CFAP52: variants seen among roughly 807,000 people sequenced by gnomAD.
CFAP52 encodes the protein cilia and flagella associated protein 52, also known as cilia- and flagella-associated protein 52.
A neutral mutation model predicts 70.5 loss-of-function variants in CFAP52; 57 were observed. The ratio of observed to expected loss-of-function variants is 0.81; its 90% CI spans 0.65 to 1.01. CFAP52 has a LOEUF of 1.01. CFAP52 is among the 50% of genes least tolerant of loss of function. The pLI, the probability that CFAP52 is intolerant of heterozygous loss-of-function variation, is 0.00. For synonymous variants in CFAP52, 267 were observed against 292.5 expected (o/e 0.91, Z 0.89); for missense variants, 785 against 788.5 (o/e 1.00, Z 0.05).
At chr17:9,591,376 C>T (rs1479044750) in intron 3 of CFAP52, among the ~76,000 whole-genome samples, 2 of 152,012 alleles carry the variant, frequency 1.3e-5, no homozygotes, top group Non-Finnish European at 2.9e-5. Context: ...ATTTATGAAA[C>T]TTTTTCCATT....
At chr17:9,584,047 CAT>C (rs148229360) in intron 1 of CFAP52, 3,709 of 270,126 alleles carry the variant, frequency 0.014, 154 homozygotes, top group African/African-American at 0.081. Context: ...TTTTGTGAAA[CAT>C]GTGCAGTCTC....
intron 10 of CFAP52, among the ~76,000 whole-genome samples, chr17:9,633,601 G>A (rs115493968): frequency 0.016 from 2,471 of 152,174 alleles, 68 homozygotes; most frequent in African/African-American, 0.056. Flanking sequence ...GAATTCATGC[G>A]GGTGTTTTGC....
At chr17:9,594,146 C>A (rs772854469) in intron 3 of CFAP52, 47 bp from the exon 4 acceptor site, 13 of 1,526,162 alleles carry the variant, frequency 8.5e-6, no homozygotes, top group Non-Finnish European at 1.1e-5. Flanking sequence ...TTTTAAAAGC[C>A]TGTTTTCTCT....
rs142250700 is a variant in CFAP52 at position 9,643,060 on chromosome 17, T to C, written c.1725T>C (p.Asn575=). 3 of 1,610,016 alleles carry C rather than the reference T, an allele frequency of 1.9e-6. No homozygotes were observed. Among genetic ancestry groups the C allele is most frequent in the Non-Finnish European group, 2.5e-6 (3 of 1,178,432 alleles). ...NDHLVKVWDY[N]EGEVTHVGVG... Reference sequence around the variant, plus strand: ...ATCTGGTCAAAGTTTGGGATTATAATGAGGGTGAAGTGACTCACGTTGGGG... The same window carrying C: ...ATCTGGTCAAAGTTTGGGATTATAACGAGGGTGAAGTGACTCACGTTGGGG... The change falls in exon 14 of 14, where the codon AAT becomes AAC. Residue 575 remains asparagine (N), a synonymous_variant. Transcript: ENST00000352665.
At chr17:9,603,411 G>A (rs997869129) in intron 6 of CFAP52, among the ~76,000 whole-genome samples, 1 of 151,978 alleles carries the variant, frequency 6.6e-6, no homozygotes, top group Non-Finnish European at 1.5e-5. Flanking sequence ...GGGTTTCACC[G>A]TGTTAGCCAG....
At chr17:9,607,241 G>A (rs1909525564) in intron 6 of CFAP52, among the ~76,000 whole-genome samples, 1 of 152,182 alleles carries the variant, frequency 6.6e-6, no homozygotes, top group South Asian at 2.1e-4. Context: ...AGCTACTCTG[G>A]TGGGTGAGTC....
At position 9,600,047 on chromosome 17, in the gene CFAP52, T is replaced by C; in HGVS notation, c.637-20T>C. On this transcript the variant is annotated intron_variant, in intron 5 of 13. Transcript: ENST00000352665. ...TGAGCCACCGAGGCTGGCCAAGATT[T>C]CTTTTTCTTGCTTCTTCAGGTGGAT... 1 of 1,610,142 alleles carries C rather than the reference T, an allele frequency of 6.2e-7. No homozygotes were observed. The highest frequency in any genetic ancestry group is 2.2e-5 in the East Asian group (1 of 44,730).
chr17:9,640,689 A>G (rs1290286645), intron 12 of CFAP52, among the ~76,000 whole-genome samples: 1 of 152,008 alleles, frequency 6.6e-6, no homozygotes. Context: ...GCTGGAGTGC[A>G]GTGGCATAAT....
At chr17:9,633,111 A>C in intron 10 of CFAP52, 78 bp downstream of exon 10, 2 of 1,497,422 alleles carry the variant, frequency 1.3e-6, no homozygotes, top group Middle Eastern at 3.5e-4. Flanking sequence ...ATTTGCTTTT[A>C]AAAATACACA....
intron 1 of CFAP52, among the ~76,000 whole-genome samples, chr17:9,578,347 G>A (rs1019385762): frequency 2.0e-5 from 3 of 152,292 alleles, no homozygotes; most frequent in East Asian, 1.9e-4. Flanking sequence ...GAGGTAGTCC[G>A]TGGTGAGTGG....
intron 8 of CFAP52, among the ~76,000 whole-genome samples, chr17:9,625,256 C>A (rs1910194151): frequency 6.6e-6 from 1 of 151,918 alleles, no homozygotes; most frequent in South Asian, 2.1e-4. Flanking sequence ...TGTTCTTCCT[C>A]TTGGTATTCC....
At chr17:9,636,175 A>G (rs1910769771) in intron 11 of CFAP52, among the ~76,000 whole-genome samples, 2 of 108,264 alleles carry the variant, frequency 1.8e-5, no homozygotes, top group South Asian at 5.6e-4. Flanking sequence ...ACTCTGTCTC[A>G]AAAAAAAGAA....
chr17:9,611,170 C>A (rs758940196), intron 7 of CFAP52, among the ~76,000 whole-genome samples: 2 of 152,034 alleles, frequency 1.3e-5, no homozygotes, highest in Non-Finnish European at 2.9e-5. Context: ...CAAGAACCTG[C>A]GTTGAATTCT....
chr17:9,587,167 G>A (rs977514671), intron 3 of CFAP52, among the ~76,000 whole-genome samples: 4 of 152,162 alleles, frequency 2.6e-5, no homozygotes, highest in African/African-American at 9.7e-5. Context: ...ATGGCCTCCA[G>A]CTCCATCCAT....
At chr17:9,621,555 G>T (rs1285291238) in intron 8 of CFAP52, among the ~76,000 whole-genome samples, 3 of 5,972 alleles carry the variant, frequency 5.0e-4, no homozygotes, top group African/African-American at 2.3e-3. Flanking sequence ...ACATGCACAC[G>T]TATGTTTATT....
chr17:9,609,481 G>T (rs1238766087), intron 7 of CFAP52, among the ~76,000 whole-genome samples: 1 of 152,138 alleles, frequency 6.6e-6, no homozygotes, highest in Admixed American at 6.6e-5. Context: ...GATCGCTTGA[G>T]CCCAGGAGTT....
chr17:9,584,234 AC>A, intron 1 of CFAP52: 1 of 1,268,572 alleles, frequency 7.9e-7, no homozygotes. Flanking sequence ...CTCAAGCAAA[AC>A]AATAATTACA....
intron 1 of CFAP52, among the ~76,000 whole-genome samples, chr17:9,579,788 G>A (rs1029907163): frequency 6.6e-6 from 1 of 152,074 alleles, no homozygotes; most frequent in African/African-American, 2.4e-5. Flanking sequence ...GGCTGGTCTT[G>A]AACTCCTGAC....
At chr17:9,578,320 C>T (rs1908058336) in intron 1 of CFAP52, among the ~76,000 whole-genome samples, 1 of 152,140 alleles carries the variant, frequency 6.6e-6, no homozygotes, top group African/African-American at 2.4e-5. Flanking sequence ...AAGTGGGAAG[C>T]CTCAGTAAAC....
Sources: gnomAD v4.1 joint callset for allele counts (sites outside exome capture counted in the v4.1 genomes callset) on GRCh38, gnomAD v4.1.1 for gene constraint, MANE v1.5 for transcripts, NCBI Gene and HGNC (gene_info 2026-07-23, HGNC 2026-07-21) for gene names.